The following AKR1C2 variants were observed in gnomAD, a reference collection of about 807,000 sequenced individuals.
AKR1C2 encodes the protein 3-alpha-HSD3.
In AKR1C2, 27 loss-of-function variants were observed where a neutral mutation model predicts 39.8. The observed-to-expected ratio is 0.68, with a 90% CI of 0.50 to 0.93. The LOEUF (loss-of-function observed/expected upper bound fraction) is 0.93. Among genes scored for constraint, AKR1C2 ranks in the 40% least tolerant of loss-of-function variants. The probability of loss-of-function intolerance (pLI) is 0.00; values close to 1 mark genes in which losing one functional copy is unlikely to be tolerated. For synonymous variants in AKR1C2, 114 were observed against 137.9 expected (o/e 0.83, Z 1.22); for missense variants, 263 against 365.1 (o/e 0.72, Z 2.28).
At position 4,988,135 on chromosome 10, in the gene AKR1C2, G is replaced by A. The variant is rs577197610; in HGVS notation, c.*1861C>T. On this transcript the variant is annotated 3_prime_UTR_variant, in exon 9 of 9. Transcript: ENST00000380753. ...TCACATCTTGAAAAAAGAGTTACAC[G>A]TGCTATAGAGATTTGAAATATGAAA... 3 of 151,986 alleles carry A rather than the reference G, an allele frequency of 2.0e-5. No individual in the cohort carries two copies. The highest frequency in any genetic ancestry group is 4.8e-5 in the African/African-American group (2 of 41,404). 9.4% of individuals were successfully genotyped at this position (151,986 alleles called of 1,614,324 possible).
chr10:5,004,352 G>A (rs2515679), upstream of AKR1C2, among the ~76,000 whole-genome samples: 2 of 152,152 alleles, frequency 1.3e-5, no homozygotes, highest in Non-Finnish European at 2.9e-5. Context: ...ATTTTTAAAT[G>A]CATGACTTTT....
At chr10:5,000,369 A>T (rs1161063767) in intron 3 of AKR1C2, 181 bp downstream of exon 3, 1 of 1,549,736 alleles carries the variant, frequency 6.5e-7, no homozygotes, top group Middle Eastern at 1.8e-4. Context: ...GCAATCACGG[A>T]AGTATGGATT....
chr10:5,009,723 T>C (rs1376106915), intron 1 of AKR1C2, among the ~76,000 whole-genome samples: 3 of 152,020 alleles, frequency 2.0e-5, no homozygotes, highest in South Asian at 2.1e-4. Flanking sequence ...CATTCTGCCC[T>C]TATATAAACC....
chr10:5,004,680 G>A (rs1554774227), upstream of AKR1C2: 1 of 151,190 alleles, frequency 6.6e-6, no homozygotes, highest in Non-Finnish European at 1.5e-5. Context: ...AGAAAAACTG[G>A]TAACTAATGA....
intron 7 of AKR1C2, among the ~76,000 whole-genome samples, chr10:4,993,620 T>G (rs141643774): frequency 4.0e-5 from 6 of 151,780 alleles, no homozygotes; most frequent in Non-Finnish European, 5.9e-5. Context: ...GCATGAAAAA[T>G]TAGTCTACAT....
chr10:4,989,727 T>C lies in AKR1C2; in HGVS notation c.*269A>G. The C allele has an allele frequency of 1.9e-6, 1 of 525,152 alleles. No homozygotes were observed. The highest frequency in any genetic ancestry group is 4.1e-5 in the Admixed American group (1 of 24,548). The allele number at this position is 525,152 out of a possible 1,614,324, so 32.5% of individuals were successfully genotyped here. The stretch of plus-strand genomic sequence containing the variant: ...TAGGCAAATCACAATTTGGGGGCAC[T>C]AGTGTGTCAGAAGGAGAGAAAACAT... On this transcript the variant is annotated 3_prime_UTR_variant, in exon 9 of 9. Coordinates refer to ENST00000380753, the MANE Select transcript of AKR1C2 (RefSeq NM_001393392.1).
chr10:5,000,523 A>G (rs1224650012), intron 3 of AKR1C2, 27 bp downstream of exon 3: 7 of 1,613,528 alleles, frequency 4.3e-6, no homozygotes, highest in African/African-American at 1.3e-5. Context: ...CAAAAGTGAA[A>G]TTAATTTGAT....
chr10:4,998,055 T>G (rs1288103215), intron 5 of AKR1C2, among the ~76,000 whole-genome samples: 1 of 152,206 alleles, frequency 6.6e-6, no homozygotes. Context: ...AACAGATATC[T>G]CCATAAACAG....
intron 3 of AKR1C2, chr10:4,999,822 A>G (rs1837196008): frequency 1.6e-5 from 11 of 686,980 alleles, no homozygotes; most frequent in East Asian, 1.3e-4. Flanking sequence ...CCACCAACGA[A>G]AAAGGTTGGA....
intron 7 of AKR1C2, among the ~76,000 whole-genome samples, chr10:4,992,885 G>T (rs1445336696): frequency 1.3e-5 from 2 of 152,184 alleles, no homozygotes; most frequent in East Asian, 3.8e-4. Context: ...GGGAGGTGGA[G>T]GTTGCAGTGA....
intron 1 of AKR1C2, among the ~76,000 whole-genome samples, chr10:5,012,907 T>C (rs1286563712): frequency 6.6e-6 from 1 of 152,244 alleles, no homozygotes; most frequent in Non-Finnish European, 1.5e-5. Context: ...TTTGACTTCA[T>C]TGTTTTCTTC....
chr10:5,007,748 A>T (rs1196427417), upstream of AKR1C2, among the ~76,000 whole-genome samples: 1 of 151,632 alleles, frequency 6.6e-6, no homozygotes, highest in African/African-American at 2.4e-5. Context: ...TTTATCTGAG[A>T]TCCAAGAAAA....
chr10:5,000,119 C>A, intron 3 of AKR1C2: 1 of 1,234,380 alleles, frequency 8.1e-7, no homozygotes, highest in South Asian at 2.6e-5. Context: ...TTAAGACATT[C>A]CCGGACTGAG....
Position 4,989,869 on chromosome 10 carries a change from T to A in AKR1C2, c.*127A>T. On this transcript the variant is annotated 3_prime_UTR_variant, in exon 9 of 9. Coordinates refer to ENST00000380753, the MANE Select transcript of AKR1C2 (RefSeq NM_001393392.1). ...CCGGCCGATGGGCTTAGCTGTAGCT[T>A]ACTGAAGTCGCCAAGCAGGAGAGAT... The A allele has an allele frequency of 7.1e-7, 1 of 1,403,376 alleles. No individual in the cohort carries two copies. Among genetic ancestry groups the A allele is most frequent in the Non-Finnish European group, 9.8e-7 (1 of 1,020,600 alleles). The allele number at this position is 1,403,376 out of a possible 1,614,324, so 86.9% of individuals were successfully genotyped here.
intron 3 of AKR1C2, chr10:5,000,175 A>G: frequency 7.3e-7 from 1 of 1,378,398 alleles, no homozygotes. Context: ...CTCATTGTGC[A>G]CCCTATGTGC....
intron 1 of AKR1C2, among the ~76,000 whole-genome samples, chr10:5,013,934 T>C (rs1837576232): frequency 6.6e-6 from 1 of 152,210 alleles, no homozygotes; most frequent in Non-Finnish European, 1.5e-5. Context: ...TCTAGGCACC[T>C]CACATAGTTG....
intron 1 of AKR1C2, among the ~76,000 whole-genome samples, chr10:5,011,345 T>A (rs2398165): frequency 3.3e-5 from 5 of 152,212 alleles, no homozygotes; most frequent in South Asian, 2.1e-4. Context: ...GACATTATTC[T>A]GGTGATAGCT....
chr10:4,992,213 T>C (rs1836865275), intron 7 of AKR1C2, among the ~76,000 whole-genome samples: 1 of 151,300 alleles, frequency 6.6e-6, no homozygotes, highest in Non-Finnish European at 1.5e-5. Flanking sequence ...TAGGGCCATG[T>C]ACCTAGAAGA....
upstream of AKR1C2, among the ~76,000 whole-genome samples, chr10:5,004,551 C>G (rs1265757676): frequency 2.0e-5 from 3 of 152,172 alleles, no homozygotes; most frequent in African/African-American, 4.8e-5. Flanking sequence ...TTGTAACATG[C>G]AAACAGTGCC....
Sources: allele counts gnomAD v4.1 joint callset (sites outside exome capture counted in the v4.1 genomes callset), GRCh38; gene constraint gnomAD v4.1.1; transcripts MANE v1.5; gene names NCBI Gene and HGNC (gene_info 2026-07-23, HGNC 2026-07-21).